The following DPYSL2 variants were observed in gnomAD, a reference collection of about 807,000 sequenced individuals.
DPYSL2 encodes dihydropyrimidinase-related protein 2.
DPYSL2 carries 13 observed loss-of-function variants against 69.9 expected under a neutral mutation model. That is an observed-to-expected ratio of 0.19 (90% CI 0.12 to 0.30). DPYSL2 has a LOEUF of 0.30. DPYSL2 is among the 10% of genes least tolerant of loss of function. The pLI, the probability that DPYSL2 is intolerant of heterozygous loss-of-function variation, is 1.00. For missense variants in DPYSL2, 587 were observed against 918.9 expected (o/e 0.64, Z 4.67); for synonymous variants, 326 against 359.1 (o/e 0.91, Z 1.04).
Position 26,560,430 on chromosome 8 carries a change from C to T in DPYSL2, c.355-21539C>T, listed in dbSNP as rs1167351589. Among the ~76,000 whole-genome samples the T allele has an allele frequency of 6.6e-6, 1 of 152,188 alleles. No individual in the cohort carries two copies. Among genetic ancestry groups the T allele is most frequent in the Non-Finnish European group, 1.5e-5 (1 of 68,040 alleles). ...CCCTCTGCTGGTGGGATGCACCTATCTGCAGGTCTGGGAAGGTCTGGACCT... is the reference window on the plus strand; with the variant it reads ...CCCTCTGCTGGTGGGATGCACCTATTTGCAGGTCTGGGAAGGTCTGGACCT... On this transcript the variant is annotated intron_variant, in intron 1 of 13. Transcript: ENST00000521913. This position sits in a 1 kb window ranked among gnomAD's most constrained non-coding sequence, Gnocchi z 4.4.
At chr8:26,590,184 C>T (rs1801694010) in intron 3 of DPYSL2, among the ~76,000 whole-genome samples, 1 of 152,208 alleles carries the variant, frequency 6.6e-6, no homozygotes, top group Admixed American at 6.5e-5. Context: ...AAACGCCCGA[C>T]CACATCAGAC....
At position 26,587,200 on chromosome 8, in the gene DPYSL2, T is replaced by C. The variant is rs189611532; in HGVS notation, c.628+3217T>C. ...AGAGAAATAGCTTAATGCCACTTCA[T>C]TGGCACCTAAGACCTGCTACTTTCT... is the stretch of plus-strand genomic sequence containing the variant. On this transcript the variant is annotated intron_variant, in intron 3 of 13. Transcript: ENST00000521913. The surrounding 1 kb of genome is among the most constrained non-coding windows in gnomAD (Gnocchi z 4.2). Among the ~76,000 whole-genome samples the C allele has an allele frequency of 4.6e-5, 7 of 152,334 alleles. No homozygotes were observed. Among genetic ancestry groups the C allele is most frequent in the East Asian group, 1.9e-4 (1 of 5,190 alleles).
At position 26,597,360 on chromosome 8, in the gene DPYSL2, C is replaced by A. The variant is rs1354380396; in HGVS notation, c.628+13377C>A. Among the ~76,000 whole-genome samples the A allele has an allele frequency of 6.6e-6, 1 of 152,250 alleles. No homozygotes were observed. Among genetic ancestry groups the A allele is most frequent in the Non-Finnish European group, 1.5e-5 (1 of 68,044 alleles). On this transcript the variant is annotated intron_variant, in intron 3 of 13. Transcript: ENST00000521913. The surrounding 1 kb of genome is among the most constrained non-coding windows in gnomAD (Gnocchi z 5.2). ...CCGAGGTTGCCTTGCCCTTGCCTGG[C>A]ACTCATCTTTTGCATTTCTCTGAAT...
At chr8:26,537,303 G>C (rs1036640140) in intron 1 of DPYSL2, among the ~76,000 whole-genome samples, 3 of 152,116 alleles carry the variant, frequency 2.0e-5, no homozygotes, top group African/African-American at 7.2e-5. Context: ...CCTATTCTGG[G>C]AAGGCTGCCT....
Position 26,563,428 on chromosome 8 carries a change from C to G in DPYSL2, c.355-18541C>G, listed in dbSNP as rs569596548. ...TGCTGCAAAAATTGAATTGAAGCCC[C>G]AATATCTTTTTCCAGACATGAAGTC... On this transcript the variant is annotated intron_variant, in intron 1 of 13. Coordinates refer to ENST00000521913, the MANE Select transcript of DPYSL2 (RefSeq NM_001197293.3). 3.3e-5 allele frequency among the ~76,000 whole-genome samples: 5 copies of G among 152,304 alleles called. No homozygotes were observed. The East Asian group carries it at 9.7e-4, about 29-fold the overall frequency.
Position 26,571,629 on chromosome 8 carries a change from T to C in DPYSL2, c.355-10340T>C, listed in dbSNP as rs1801238971. Among the ~76,000 whole-genome samples the C allele has an allele frequency of 6.6e-6, 1 of 152,184 alleles. No homozygotes were observed. Among genetic ancestry groups the C allele is most frequent in the Admixed American group, 6.5e-5 (1 of 15,278 alleles). On this transcript the variant is annotated intron_variant, in intron 1 of 13. Transcript: ENST00000521913. This position sits in a 1 kb window ranked among gnomAD's most constrained non-coding sequence, Gnocchi z 6.1. ...AGTGCATGCTTCCTCTGTGCCCTCTTGTCCAGCAGGATTTGGACAGATGAG... is the reference window on the plus strand; with the variant it reads ...AGTGCATGCTTCCTCTGTGCCCTCTCGTCCAGCAGGATTTGGACAGATGAG...
Position 26,621,143 on chromosome 8 carries a change from A to C in DPYSL2, c.629-3000A>C, listed in dbSNP as rs1398292622. Among the ~76,000 whole-genome samples the C allele has an allele frequency of 6.6e-6, 1 of 152,202 alleles. No individual in the cohort carries two copies. Among genetic ancestry groups the C allele is most frequent in the Non-Finnish European group, 1.5e-5 (1 of 68,032 alleles). On this transcript the variant is annotated intron_variant, in intron 3 of 13. Coordinates refer to ENST00000521913, the MANE Select transcript of DPYSL2 (RefSeq NM_001197293.3). This position sits in a 1 kb window ranked among gnomAD's most constrained non-coding sequence, Gnocchi z 4.9. ...TTTTTGGGGGAAGAAAGTGGACTATAGATAAAGAAATAGAATAAGGTATAA... is the reference window on the plus strand; with the variant it reads ...TTTTTGGGGGAAGAAAGTGGACTATCGATAAAGAAATAGAATAAGGTATAA...
intron 1 of DPYSL2, chr8:26,548,176 T>A (rs1013997765): frequency 4.1e-6 from 1 of 241,310 alleles, no homozygotes; most frequent in Non-Finnish European, 8.4e-6. Flanking sequence ...GACAACCACG[T>A]CCAAGTACTT....
At chr8:26,607,499 T>A (rs1222211503) in intron 3 of DPYSL2, among the ~76,000 whole-genome samples, 10 of 136,340 alleles carry the variant, frequency 7.3e-5, no homozygotes, top group African/African-American at 2.0e-4. Flanking sequence ...AAAAAAAAAA[T>A]CATTGTGGGG....
Position 26,514,143 on chromosome 8 carries a change from G to C in DPYSL2, c.-183G>C, listed in dbSNP as rs1015800646. On this transcript the variant is annotated 5_prime_UTR_variant, in exon 1 of 14. Coordinates refer to ENST00000521913, the MANE Select transcript of DPYSL2 (RefSeq NM_001197293.3). The surrounding 1 kb of genome is among the most constrained non-coding windows in gnomAD (Gnocchi z 8.4). ...GGCAGGGAGGGGAGAAGCGGGGTCA[G>C]GGGGAGGGACCGGGAGGGTGGGTCG... is the stretch of plus-strand genomic sequence containing the variant. The C allele has an allele frequency of 4.4e-6, 2 of 455,392 alleles. No individual in the cohort carries two copies. Among genetic ancestry groups the C allele is most frequent in the Admixed American group, 4.4e-5 (1 of 22,628 alleles). 28.2% of individuals were successfully genotyped at this position (455,392 alleles called of 1,614,324 possible).
chr8:26,627,820 G>C lies in DPYSL2; in HGVS notation c.937-52G>C. On this transcript the variant is annotated intron_variant, in intron 6 of 13. Coordinates refer to ENST00000521913, the MANE Select transcript of DPYSL2 (RefSeq NM_001197293.3). The surrounding 1 kb of genome is among the most constrained non-coding windows in gnomAD (Gnocchi z 6.9). ...GCATGCCCGGGCCTCTGCCATCAGA[G>C]CTGTGCAAAATCCACTCTCCCTCAC... 1 of 1,585,160 alleles carries C rather than the reference G, an allele frequency of 6.3e-7. No individual in the cohort carries two copies. The highest frequency in any genetic ancestry group is 1.7e-5 in the Admixed American group (1 of 58,818).
Position 26,653,479 on chromosome 8 carries a change from G to T in DPYSL2, c.1942+82G>T. On this transcript the variant is annotated intron_variant, in intron 13 of 13. Coordinates refer to ENST00000521913, the MANE Select transcript of DPYSL2 (RefSeq NM_001197293.3). The surrounding 1 kb of genome is among the most constrained non-coding windows in gnomAD (Gnocchi z 5.7). ...CGAGGCTACAGTTGCATTTGGAAAG[G>T]ACACAGAAATAGAAGTGAATGATAT... 7.0e-7 allele frequency: 1 copy of T among 1,422,524 alleles called. No individual in the cohort carries two copies. The highest frequency in any genetic ancestry group is 1.3e-5 in the South Asian group (1 of 75,002). The allele number at this position is 1,422,524 out of a possible 1,614,324, so 88.1% of individuals were successfully genotyped here.
chr8:26,572,038 C>T (rs1801244441), intron 1 of DPYSL2, among the ~76,000 whole-genome samples: 2 of 152,340 alleles, frequency 1.3e-5, no homozygotes, highest in East Asian at 3.9e-4. Context: ...TCTCTGCAGG[C>T]TGTGTTAGAG....
At position 26,650,789 on chromosome 8, in the gene DPYSL2, G is replaced by C. The variant is rs982279198; in HGVS notation, c.1597-1468G>C. Among the ~76,000 whole-genome samples the C allele has an allele frequency of 6.6e-6, 1 of 152,226 alleles. No homozygotes were observed. Among genetic ancestry groups the C allele is most frequent in the East Asian group, 1.9e-4 (1 of 5,202 alleles). On this transcript the variant is annotated intron_variant, in intron 11 of 13. Coordinates refer to ENST00000521913, the MANE Select transcript of DPYSL2 (RefSeq NM_001197293.3). The surrounding 1 kb of genome is among the most constrained non-coding windows in gnomAD (Gnocchi z 5.3). ...GACCTTGGCATTGGTTGCCAAGAGG[G>C]AAAAATGTCTCCCCCAAGAATTGGA... is the stretch of plus-strand genomic sequence containing the variant.
chr8:26,578,125 G>C, intron 1 of DPYSL2: 1 of 1,550,490 alleles, frequency 6.4e-7, no homozygotes, highest in Non-Finnish European at 8.6e-7. Flanking sequence ...CAAGACCAGC[G>C]AAGCGGTTGC....
intron 1 of DPYSL2, among the ~76,000 whole-genome samples, chr8:26,568,624 A>T (rs1473669092): frequency 6.6e-6 from 1 of 152,214 alleles, no homozygotes; most frequent in Non-Finnish European, 1.5e-5. Context: ...ACCGAAATGG[A>T]CAAATGGCCA....
chr8:26,569,080 G>A (rs1313188262), intron 1 of DPYSL2, among the ~76,000 whole-genome samples: 1 of 152,108 alleles, frequency 6.6e-6, no homozygotes, highest in Admixed American at 6.5e-5. Flanking sequence ...GTGAAGTCTA[G>A]GCGTGAGGGC....
At chr8:26,596,515 G>A (rs1400292668) in intron 3 of DPYSL2, among the ~76,000 whole-genome samples, 1 of 152,222 alleles carries the variant, frequency 6.6e-6, no homozygotes, top group Non-Finnish European at 1.5e-5. Context: ...GGAGTCATGG[G>A]TAGGAGTTGT....
intron 1 of DPYSL2, among the ~76,000 whole-genome samples, chr8:26,527,734 C>A (rs1808504250): frequency 6.6e-6 from 1 of 150,962 alleles, no homozygotes; most frequent in African/African-American, 2.4e-5. Context: ...GAAATTAATC[C>A]CAGAATTAAA....
Sources: gnomAD v4.1 joint callset for allele counts (sites outside exome capture counted in the v4.1 genomes callset) on GRCh38, gnomAD v4.1.1 for gene constraint, Gnocchi (gnomAD v3.1) non-coding constraint, MANE v1.5 for transcripts, NCBI Gene and HGNC (gene_info 2026-07-23, HGNC 2026-07-21) for gene names.